The following STXBP4 variants were observed in gnomAD, a reference collection of about 807,000 sequenced individuals.
STXBP4 encodes the protein syntaxin binding protein 4.
STXBP4 carries 55 observed loss-of-function variants against 76.1 expected under a neutral mutation model. That is an observed-to-expected ratio of 0.72 (90% CI 0.58 to 0.91). The LOEUF (loss-of-function observed/expected upper bound fraction) is 0.91, where lower values mean the gene tolerates loss of function less well. Among genes scored for constraint, STXBP4 ranks in the 40% least tolerant of loss-of-function variants. The probability of loss-of-function intolerance (pLI) is 0.00; values close to 1 mark genes in which losing one functional copy is unlikely to be tolerated. For missense variants in STXBP4, 618 were observed against 636.9 expected (o/e 0.97, Z 0.32); for synonymous variants, 201 against 220.2 (o/e 0.91, Z 0.77).
the STXBP4 span, among the ~76,000 whole-genome samples, chr17:55,198,046 T>A: frequency 2.6e-5 from 4 of 152,312 alleles, no homozygotes; most frequent in South Asian, 8.3e-4. Flanking sequence ...CTCAAGGGCC[T>A]GGTTTACAGA....
intron 17 of STXBP4, among the ~76,000 whole-genome samples, chr17:55,158,719 G>A (rs144025944): frequency 8.6e-4 from 131 of 152,234 alleles, no homozygotes; most frequent in African/African-American, 3.0e-3. Flanking sequence ...CAGGATGCTG[G>A]TCATTTGTTC....
the STXBP4 span, among the ~76,000 whole-genome samples, chr17:55,207,524 T>C: frequency 1.3e-5 from 2 of 152,204 alleles, no homozygotes; most frequent in Middle Eastern, 3.2e-3. Flanking sequence ...TAACGACCTC[T>C]CTACTCCTAC....
At chr17:55,100,585 A>T (rs2079551739) in intron 16 of STXBP4, among the ~76,000 whole-genome samples, 1 of 152,238 alleles carries the variant, frequency 6.6e-6, no homozygotes, top group East Asian at 1.9e-4. Flanking sequence ...TTTGAAAAAT[A>T]AAGGTGAGAA....
intron 12 of STXBP4, among the ~76,000 whole-genome samples, chr17:55,062,903 G>T (rs2144829072): frequency 6.6e-6 from 1 of 152,284 alleles, no homozygotes. Context: ...TTTTTTAAAA[G>T]ATTTTTAAAA....
chr17:55,002,246 ATAT>A (rs2077933610), intron 7 of STXBP4, among the ~76,000 whole-genome samples: 2 of 152,136 alleles, frequency 1.3e-5, no homozygotes, highest in African/African-American at 4.8e-5. Context: ...ATATTATAAA[ATAT>A]TAATAATTAT....
intron 8 of STXBP4, among the ~76,000 whole-genome samples, chr17:55,022,697 T>C (rs1407042496): frequency 6.6e-6 from 1 of 152,156 alleles, no homozygotes; most frequent in East Asian, 1.9e-4. Flanking sequence ...GTGAGAATTA[T>C]GGTGCTAGGG....
the STXBP4 span, among the ~76,000 whole-genome samples, chr17:55,185,189 T>TTTCTTCTTC: frequency 2.5e-3 from 220 of 87,738 alleles, 18 homozygotes; most frequent in Non-Finnish European, 3.1e-3. Flanking sequence ...TCTTCTTCTT[T>TTTCTTCTTC]TTCTTCTTCT....
the STXBP4 span, among the ~76,000 whole-genome samples, chr17:55,208,573 G>A: frequency 1.0e-4 from 6 of 57,566 alleles, no homozygotes; most frequent in Non-Finnish European, 1.6e-4. Context: ...AAGGGAGGGA[G>A]GGAAGAAGGA....
intron 16 of STXBP4, among the ~76,000 whole-genome samples, chr17:55,111,941 G>T (rs1187673730): frequency 2.6e-5 from 4 of 151,812 alleles, no homozygotes; most frequent in African/African-American, 9.7e-5. Context: ...TCTTAGAGAT[G>T]ATCTAACTCT....
At chr17:55,000,137 G>A in intron 6 of STXBP4, 1 of 776,906 alleles carries the variant, frequency 1.3e-6, no homozygotes. Flanking sequence ...TGTCATATTT[G>A]GTTTCAGTTG....
rs1567710038 is a variant in STXBP4 at position 54,997,606 on chromosome 17, A to ATTT, written c.181-1738_181-1737insTTT. Among the ~76,000 whole-genome samples, 426 of 146,182 alleles carry ATTT rather than the reference A, an allele frequency of 2.9e-3. 7 individuals carry two copies. The highest frequency in any genetic ancestry group is 0.023 in the East Asian group (118 of 5,090). ...TATATATATTTTATATATTTTATATATATATATATTTTTTTTGAGACAGAT... is the reference window on the plus strand; with the variant it reads ...TATATATATTTTATATATTTTATATATTTTATATATATTTTTTTTGAGACAGAT... On this transcript the variant is annotated intron_variant, in intron 4 of 17. Coordinates refer to ENST00000376352, the MANE Select transcript of STXBP4 (RefSeq NM_178509.6).
At chr17:55,100,719 T>A (rs2079553115) in intron 16 of STXBP4, among the ~76,000 whole-genome samples, 1 of 152,200 alleles carries the variant, frequency 6.6e-6, no homozygotes. Flanking sequence ...TCCTGTTTCC[T>A]GATGTTCATG....
the STXBP4 span, among the ~76,000 whole-genome samples, chr17:55,195,319 C>T: frequency 6.6e-6 from 1 of 152,202 alleles, no homozygotes; most frequent in Non-Finnish European, 1.5e-5. Flanking sequence ...AACCCTCTAC[C>T]TCCATGAAGA....
the STXBP4 span, among the ~76,000 whole-genome samples, chr17:55,191,953 G>A: frequency 6.6e-6 from 1 of 152,114 alleles, no homozygotes; most frequent in African/African-American, 2.4e-5. Context: ...TAATTTGCTA[G>A]AACAGTTCAC....
chr17:55,008,807 G>A (rs548939305), intron 8 of STXBP4, among the ~76,000 whole-genome samples: 1 of 152,140 alleles, frequency 6.6e-6, no homozygotes, highest in Admixed American at 6.5e-5. Flanking sequence ...AGGATCAGCT[G>A]GGTTTTATGG....
chr17:55,084,268 A>C (rs2144928977), intron 16 of STXBP4, among the ~76,000 whole-genome samples: 1 of 152,276 alleles, frequency 6.6e-6, no homozygotes, highest in African/African-American at 2.4e-5. Flanking sequence ...TTTTGGCTGC[A>C]TAAATGTCTT....
chr17:55,052,971 G>T (rs2078879773), intron 12 of STXBP4, among the ~76,000 whole-genome samples: 1 of 117,400 alleles, frequency 8.5e-6, no homozygotes, highest in African/African-American at 3.2e-5. Flanking sequence ...CTTTAGAAAT[G>T]TCAATGCTAT....
intron 8 of STXBP4, among the ~76,000 whole-genome samples, chr17:55,016,875 G>A (rs1295783184): frequency 6.6e-6 from 1 of 152,326 alleles, no homozygotes; most frequent in East Asian, 1.9e-4. Context: ...AACTGGTGAG[G>A]TGTGCTCACA....
At chr17:55,185,660 G>A in the STXBP4 span, among the ~76,000 whole-genome samples, 1 of 152,178 alleles carries the variant, frequency 6.6e-6, no homozygotes, top group African/African-American at 2.4e-5. Flanking sequence ...AGACCGGAGT[G>A]GAGAGAGCAG....
Sources: allele counts gnomAD v4.1 joint callset (sites outside exome capture counted in the v4.1 genomes callset), GRCh38; gene constraint gnomAD v4.1.1; transcripts MANE v1.5; gene names NCBI Gene and HGNC (gene_info 2026-07-23, HGNC 2026-07-21).